Variants in DNAH6 observed in about 807,000 individuals in gnomAD.
DNAH6 encodes the protein axonemal beta dynein heavy chain 6.
DNAH6 carries 340 observed loss-of-function variants against 491.4 expected under a neutral mutation model. The ratio of observed to expected loss-of-function variants is 0.69; its 90% CI spans 0.63 to 0.76. The LOEUF (loss-of-function observed/expected upper bound fraction) is 0.76. DNAH6 is among the 30% of genes least tolerant of loss of function. DNAH6 has a pLI of 0.00. For missense variants in DNAH6, 4,443 were observed against 4,972.2 expected (o/e 0.89, Z 3.20); for synonymous variants, 1,603 against 1,686.1 (o/e 0.95, Z 1.21).
rs1680073092 is a variant in DNAH6 at position 84,812,353 on chromosome 2, A to G, written c.11752A>G (p.Thr3918Ala). 6 of 1,551,794 alleles carry G rather than the reference A, an allele frequency of 3.9e-6. No homozygotes were observed. The highest frequency in any genetic ancestry group is 5.2e-6 in the Non-Finnish European group (6 of 1,147,014). Reference sequence around the variant, plus strand: ...TTTGTTCTTTCAGACTTCTCTGGAAACACTCAACAAAGCCATCGCTGGATT... The same window carrying G: ...TTTGTTCTTTCAGACTTCTCTGGAAGCACTCAACAAAGCCATCGCTGGATT... ...LLKLIHTSLE[T>A]LNKAIAGFVV... Residue 3918 changes from threonine (T) to alanine (A), a missense_variant, in exon 73 of 77, where the codon ACA becomes GCA. Physicochemically the swap from Thr to Ala is moderately conservative, Grantham distance 58 (BLOSUM62 0). Coordinates refer to ENST00000389394, the MANE Select transcript of DNAH6 (RefSeq NM_001370.2).
At chr2:84,794,157 A>G (rs1458435814) in intron 68 of DNAH6, among the ~76,000 whole-genome samples, 2 of 152,166 alleles carry the variant, frequency 1.3e-5, no homozygotes, top group East Asian at 3.9e-4. Flanking sequence ...CCTTCCTTAC[A>G]CCTTATACAA....
In DNAH6 at chr2:84,697,652, T is replaced by A; in HGVS notation, c.7602T>A (p.Asp2534Glu). 3 of 1,552,032 alleles carry A rather than the reference T, an allele frequency of 1.9e-6. No individual in the cohort carries two copies. The highest frequency in any genetic ancestry group is 2.6e-6 in the Non-Finnish European group (3 of 1,147,060). The change falls in exon 47 of 77, where the codon GAT (aspartate) becomes GAA (glutamate). Residue 2534 changes from aspartate to glutamate, a missense_variant. Around this residue, in one of 3 missense-constraint regions of DNAH6, gnomAD observed 2,977 missense variants for 3,296.6 expected, o/e 0.90. Transcript: ENST00000389394. ...AAGTGCCTAATTTATTTGAAAAGGA[T>A]GAACTGGAGCAGGTTTTAGCGGCCA... ...SGEVPNLFEKDELEQVLAATR... is the reference protein window; with the variant it reads ...SGEVPNLFEKEELEQVLAATR...
the DNAH6 span, among the ~76,000 whole-genome samples, chr2:84,483,127 A>G: frequency 6.6e-6 from 1 of 151,956 alleles, no homozygotes; most frequent in African/African-American, 2.4e-5. Flanking sequence ...TGCCTGGCTA[A>G]TTCTTTAATT....
At chr2:84,728,713 C>T (rs939603979) in intron 61 of DNAH6, among the ~76,000 whole-genome samples, 4 of 152,140 alleles carry the variant, frequency 2.6e-5, no homozygotes, top group South Asian at 2.1e-4. Context: ...ACTTGATTGT[C>T]GCCTTCTGTA....
At chr2:84,717,645 A>G (rs1255052090) in intron 58 of DNAH6, among the ~76,000 whole-genome samples, 6 of 152,236 alleles carry the variant, frequency 3.9e-5, no homozygotes, top group Non-Finnish European at 5.9e-5. Flanking sequence ...GTAGTACTTA[A>G]TAAAGATTAA....
rs1382703217 is a variant in DNAH6, at chr2:84,808,450, T to A, written c.11647T>A (p.Phe3883Ile). 1.9e-6 allele frequency: 3 copies of A among 1,546,190 alleles called. No homozygotes were observed. In the South Asian group the frequency reaches 3.6e-5, roughly 19 times the overall value. The change falls in exon 72 of 77, where the codon TTT becomes ATT. Residue 3883 changes from phenylalanine (F) to isoleucine (I), a missense_variant. By Grantham distance (21) the Phe-to-Ile change is conservative. Coordinates refer to ENST00000389394, the MANE Select transcript of DNAH6 (RefSeq NM_001370.2). Reference protein sequence around the residue: ...LEMEGASESLFVKDLQGRLNS... With the variant: ...LEMEGASESLIVKDLQGRLNS... ...AATGGAGGGTGCTTCTGAGAGCCTTTTTGTCAAGGATCTTCAAGGACGTCT... is the reference window on the plus strand; with the variant it reads ...AATGGAGGGTGCTTCTGAGAGCCTTATTGTCAAGGATCTTCAAGGACGTCT...
intron 10 of DNAH6, among the ~76,000 whole-genome samples, chr2:84,556,085 A>C (rs1392497895): frequency 6.6e-6 from 1 of 152,154 alleles, no homozygotes; most frequent in East Asian, 1.9e-4. Flanking sequence ...ATCTTTCACA[A>C]GATGTTCTGT....
intron 63 of DNAH6, among the ~76,000 whole-genome samples, chr2:84,761,779 CACACACACAT>C (rs1219051985): frequency 6.9e-6 from 1 of 144,074 alleles, no homozygotes; most frequent in Non-Finnish European, 1.5e-5. Context: ...ATTACATACA[CACACACACAT>C]ACACACACAC....
chr2:84,741,541 A>G (rs1287957941), intron 62 of DNAH6, among the ~76,000 whole-genome samples: 1 of 152,146 alleles, frequency 6.6e-6, no homozygotes, highest in Non-Finnish European at 1.5e-5. Context: ...GGGGCTAAAG[A>G]GGGTGGGGCA....
At chr2:84,755,990 G>T (rs1673972326) in intron 63 of DNAH6, among the ~76,000 whole-genome samples, 1 of 152,176 alleles carries the variant, frequency 6.6e-6, no homozygotes, top group Admixed American at 6.6e-5. Context: ...TTTGCCTGCT[G>T]CCATCCATGT....
chr2:84,787,409 T>C, intron 68 of DNAH6, 107 bp downstream of exon 68: 1 of 777,932 alleles, frequency 1.3e-6, no homozygotes. Context: ...TGTTTAATGG[T>C]GGTGATGATG....
At chr2:84,681,810 G>T (rs2104732304) in intron 42 of DNAH6, among the ~76,000 whole-genome samples, 1 of 151,040 alleles carries the variant, frequency 6.6e-6, no homozygotes, top group South Asian at 2.1e-4. Context: ...CAGACAACTT[G>T]CATCTTCCTT....
the DNAH6 span, among the ~76,000 whole-genome samples, chr2:84,487,819 A>T: frequency 6.6e-6 from 1 of 152,036 alleles, no homozygotes; most frequent in South Asian, 2.1e-4. Context: ...AGCACTTAAA[A>T]CCTGTTACTG....
At chr2:84,636,904 A>T (rs994076331) in intron 30 of DNAH6, among the ~76,000 whole-genome samples, 1 of 152,046 alleles carries the variant, frequency 6.6e-6, no homozygotes, top group African/African-American at 2.4e-5. Flanking sequence ...CAAAAAAAAA[A>T]ATAGAAAGTT....
chr2:84,721,017 A>G (rs889985538), intron 59 of DNAH6, among the ~76,000 whole-genome samples: 1 of 152,206 alleles, frequency 6.6e-6, no homozygotes, highest in Non-Finnish European at 1.5e-5. Context: ...ACATAAAAAT[A>G]TGTCTCATAT....
intron 64 of DNAH6, among the ~76,000 whole-genome samples, chr2:84,779,900 T>C (rs189965032): frequency 1.3e-5 from 2 of 152,360 alleles, no homozygotes; most frequent in East Asian, 3.9e-4. Flanking sequence ...TGAAGCTTAG[T>C]CTGACAGGAT....
intron 29 of DNAH6, among the ~76,000 whole-genome samples, chr2:84,631,133 T>G (rs1688361544): frequency 6.6e-6 from 1 of 152,130 alleles, no homozygotes; most frequent in Admixed American, 6.5e-5. Context: ...ACTATTTGCT[T>G]CTCCGGTTGA....
intron 54 of DNAH6, among the ~76,000 whole-genome samples, chr2:84,708,468 G>T (rs553579333): frequency 2.5e-5 from 2 of 80,812 alleles, no homozygotes; most frequent in East Asian, 3.5e-4. Flanking sequence ...AAGAGAAAAA[G>T]AGAGAAAGGG....
intron 63 of DNAH6, among the ~76,000 whole-genome samples, chr2:84,753,601 T>G (rs1191528913): frequency 6.6e-6 from 1 of 151,474 alleles, no homozygotes; most frequent in African/African-American, 2.4e-5. Flanking sequence ...CTACTAAAAA[T>G]ACAAAATTAG....
Sources: gnomAD v4.1 joint callset for allele counts (sites outside exome capture counted in the v4.1 genomes callset) on GRCh38, gnomAD v4.1.1 for gene constraint, gnomAD v4.1.1 regional missense constraint, MANE v1.5 for transcripts, NCBI Gene and HGNC (gene_info 2026-07-23, HGNC 2026-07-21) for gene names.